The following CFAP58 variants were observed in gnomAD, a reference collection of about 807,000 sequenced individuals.
The protein encoded by CFAP58 is cilia and flagella associated protein 58.
CFAP58 carries 88 observed loss-of-function variants against 119.5 expected under a neutral mutation model. The ratio of observed to expected loss-of-function variants is 0.74; its 90% CI spans 0.62 to 0.88. The LOEUF is 0.88. Among genes scored for constraint, CFAP58 ranks in the 40% least tolerant of loss-of-function variants. The probability of loss-of-function intolerance (pLI) is 0.00; values close to 1 mark genes in which losing one functional copy is unlikely to be tolerated. For synonymous variants in CFAP58, 365 were observed against 366.3 expected, an observed-to-expected ratio of 1.00 and a Z score of 0.04; for missense variants, 990 against 1,021.2, an observed-to-expected ratio of 0.97 and a Z score of 0.42.
intron 3 of CFAP58, among the ~76,000 whole-genome samples, 168 bp downstream of exon 3, chr10:104,362,339 T>C (rs1400942600): frequency 6.6e-6 from 1 of 152,250 alleles, no homozygotes; most frequent in East Asian, 1.9e-4. Context: ...TAAGTAATGT[T>C]CTTTTCTCCA....
intron 13 of CFAP58, among the ~76,000 whole-genome samples, chr10:104,401,157 A>G (rs533817064): frequency 3.3e-5 from 5 of 152,240 alleles, no homozygotes; most frequent in Non-Finnish European, 7.4e-5. Flanking sequence ...TTTTTAAAAA[A>G]CCGCATTCTG....
chr10:104,354,207 G>T (rs2014509025), intron 1 of CFAP58, among the ~76,000 whole-genome samples: 1 of 152,144 alleles, frequency 6.6e-6, no homozygotes, highest in South Asian at 2.1e-4. Context: ...TAGATTTTTA[G>T]TCATGGAGTG....
intron 1 of CFAP58, among the ~76,000 whole-genome samples, chr10:104,357,804 C>CATATATGTACACGTATAT (rs1564875299): frequency 6.8e-6 from 1 of 147,512 alleles, no homozygotes; most frequent in African/African-American, 2.6e-5. Flanking sequence ...TATATATACA[C>CATATATGTACACGTATAT]ACATATATAT....
Position 104,406,813 on chromosome 10 carries a change from T to C in CFAP58, c.2256+20T>C. On this transcript the variant is annotated intron_variant, in intron 15 of 17. Coordinates refer to ENST00000369704, the MANE Select transcript of CFAP58 (RefSeq NM_001008723.2). ...CTCCAGGTAGCATTTTTGTTTTCTGTACTCATTGTACAAGTCCTTAGCACC... is the reference window on the plus strand; with the variant it reads ...CTCCAGGTAGCATTTTTGTTTTCTGCACTCATTGTACAAGTCCTTAGCACC... 6.3e-7 allele frequency: 1 copy of C among 1,581,864 alleles called. No homozygotes were observed. The highest frequency in any genetic ancestry group is 8.7e-7 in the Non-Finnish European group (1 of 1,150,740).
chr10:104,340,565 A>G, the CFAP58 span, among the ~76,000 whole-genome samples: 1 of 152,154 alleles, frequency 6.6e-6, no homozygotes, highest in East Asian at 1.9e-4. Context: ...AATGTTTTTT[A>G]AAAGATAGGA....
In CFAP58 at chr10:104,454,408, C is replaced by G. The variant is rs7081300; in HGVS notation, c.2511-14C>G. The G allele has an allele frequency of 6.3e-7, 1 of 1,592,990 alleles. No homozygotes were observed. Among genetic ancestry groups the G allele is most frequent in the Non-Finnish European group, 8.6e-7 (1 of 1,161,250 alleles). On this transcript the variant is annotated splice_polypyrimidine_tract_variant and intron_variant, in intron 17 of 17. Transcript: ENST00000369704. ...GGATGTTAAGGAAGCTAACTTTCAC[C>G]TCCTCTCTTACAGAAACAAGGACAC...
At chr10:104,403,661 A>C in intron 13 of CFAP58, 68 bp from the exon 14 acceptor site, 3 of 1,050,598 alleles carry the variant, frequency 2.9e-6, no homozygotes. Flanking sequence ...GTATGCAACT[A>C]ATTAAAGATA....
intron 8 of CFAP58, among the ~76,000 whole-genome samples, chr10:104,378,936 G>T (rs1255703862): frequency 6.6e-6 from 1 of 151,208 alleles, no homozygotes; most frequent in African/African-American, 2.4e-5. Context: ...AAAAGTAGGT[G>T]CCTGGGTCCT....
At chr10:104,347,103 C>G in the CFAP58 span, among the ~76,000 whole-genome samples, 12 of 152,010 alleles carry the variant, frequency 7.9e-5, no homozygotes, top group Non-Finnish European at 1.8e-4. Flanking sequence ...GAGAAGAGAG[C>G]AGCTGCTTTT....
At chr10:104,350,904 A>G (rs1230475020), upstream of CFAP58, among the ~76,000 whole-genome samples, 1 of 152,168 alleles carries the variant, frequency 6.6e-6, no homozygotes, top group African/African-American at 2.4e-5. Context: ...TACTTATGAA[A>G]GCTCTTTTAG....
Position 104,399,424 on chromosome 10 carries a change from C to G in CFAP58, c.1739C>G (p.Ala580Gly), listed in dbSNP as rs778158614. Residue 580 changes from alanine (A) to glycine (G), a missense_variant, in exon 12 of 18, where the codon GCT (alanine) becomes GGT (glycine). By Grantham distance (60) the Ala-to-Gly change is moderately conservative. Coordinates refer to ENST00000369704, the MANE Select transcript of CFAP58 (RefSeq NM_001008723.2). ...AAACACTTTATTGAAAAGCAAGAAG[C>G]TGAAGAGAGAAAACTCCTGCGAATA... ...ETKHFIEKQE[A>G]EERKLLRIIA... is the part of the protein sequence containing the mutation. 5 of 1,613,818 alleles carry G rather than the reference C, an allele frequency of 3.1e-6. No individual in the cohort carries two copies. Among genetic ancestry groups the G allele is most frequent in the Non-Finnish European group, 3.4e-6 (4 of 1,179,858 alleles).
intron 15 of CFAP58, among the ~76,000 whole-genome samples, chr10:104,421,790 A>C (rs1403456221): frequency 6.6e-6 from 1 of 152,254 alleles, no homozygotes; most frequent in African/African-American, 2.4e-5. Context: ...CTATCACATA[A>C]GATTTCAGTG....
At chr10:104,450,733 C>T (rs1046665809) in intron 17 of CFAP58, among the ~76,000 whole-genome samples, 13 of 145,054 alleles carry the variant, frequency 9.0e-5, no homozygotes, top group African/African-American at 3.1e-4. Context: ...TTTGTAGCAA[C>T]AGGGTCTTGG....
chr10:104,424,734 T>C (rs1283434381), intron 15 of CFAP58, among the ~76,000 whole-genome samples: 1 of 152,176 alleles, frequency 6.6e-6, no homozygotes, highest in Non-Finnish European at 1.5e-5. Flanking sequence ...TGCCTAATTA[T>C]GCAGTAGAGC....
At chr10:104,405,597 T>G (rs1373708484) in intron 14 of CFAP58, among the ~76,000 whole-genome samples, 1 of 152,238 alleles carries the variant, frequency 6.6e-6, no homozygotes, top group Non-Finnish European at 1.5e-5. Context: ...TATATCTTGT[T>G]TGAATTGTAC....
chr10:104,394,882 T>C (rs2012120660), intron 11 of CFAP58, among the ~76,000 whole-genome samples: 1 of 152,248 alleles, frequency 6.6e-6, no homozygotes, highest in South Asian at 2.1e-4. Flanking sequence ...ATAGGGTTTA[T>C]TTATTGCTGA....
intron 15 of CFAP58, among the ~76,000 whole-genome samples, chr10:104,425,870 C>T (rs757829623): frequency 3.9e-5 from 6 of 151,990 alleles, no homozygotes; most frequent in African/African-American, 9.7e-5. Flanking sequence ...GATTTGGGCC[C>T]GAGGTACTGA....
At chr10:104,445,146 G>C (rs1218080513) in intron 15 of CFAP58, among the ~76,000 whole-genome samples, 1 of 151,596 alleles carries the variant, frequency 6.6e-6, no homozygotes, top group Non-Finnish European at 1.5e-5. Flanking sequence ...AACATAGCGA[G>C]ACCCCGCCTC....
chr10:104,422,801 T>G lies in CFAP58; in HGVS notation c.2256+16008T>G, dbSNP rs577259215. Among the ~76,000 whole-genome samples the G allele has an allele frequency of 1.1e-4, 16 of 152,328 alleles. No individual in the cohort carries two copies. The South Asian group carries it at 2.3e-3, about 22-fold the overall frequency. ...TTGTGTCATACTTACCAATGTCCCA[T>G]TAGCCAAAGCAAGTCACATGGCCAA... On this transcript the variant is annotated intron_variant, in intron 15 of 17. Coordinates refer to ENST00000369704, the MANE Select transcript of CFAP58 (RefSeq NM_001008723.2).
Sources: gnomAD v4.1 joint callset for allele counts (sites outside exome capture counted in the v4.1 genomes callset) on GRCh38, gnomAD v4.1.1 for gene constraint, MANE v1.5 for transcripts, NCBI Gene and HGNC (gene_info 2026-07-23, HGNC 2026-07-21) for gene names.